MANSC4: variants seen among roughly 807,000 people sequenced by gnomAD.
MANSC4 encodes MANSC domain-containing protein 4.
A neutral mutation model predicts 11.4 loss-of-function variants in MANSC4; 11 were observed. The observed-to-expected ratio is 0.97, with a 90% CI of 0.61 to 1.60. MANSC4 has a LOEUF of 1.60. MANSC4 is among the 40% of genes most tolerant of loss of function. The probability of loss-of-function intolerance (pLI) is 0.00; values close to 1 mark genes in which losing one functional copy is unlikely to be tolerated. For synonymous variants in MANSC4, 123 were observed against 147.1 expected (o/e 0.84, Z 1.19); for missense variants, 354 against 404.6 (o/e 0.88, Z 1.07).
At chr12:27,777,579 G>T (rs1565479341) in intron 1 of MANSC4, among the ~76,000 whole-genome samples, 1 of 152,138 alleles carries the variant, frequency 6.6e-6, no homozygotes, top group African/African-American at 2.4e-5. Flanking sequence ...AAGTGTGAAG[G>T]GTTGATGTGA....
intron 2 of MANSC4, 144 bp downstream of exon 2, chr12:27,770,904 C>G: frequency 1.3e-5 from 8 of 601,542 alleles, no homozygotes; most frequent in East Asian, 2.8e-5. Flanking sequence ...GGCTCTCTTA[C>G]CTCTCCCTCT....
rs1295395885 is a variant in MANSC4 at position 27,771,440 on chromosome 12, C to G, written c.-164G>C. ...TCTAGCAAAATAAGACCACTCTTTG[C>G]ACATTGATTTTTCTTTTCTTCCCGA... is the stretch of plus-strand genomic sequence containing the variant. On this transcript the variant is annotated 5_prime_UTR_variant, in exon 2 of 4. Coordinates refer to ENST00000381273, the MANE Select transcript of MANSC4 (RefSeq NM_001146221.5). Among the ~76,000 whole-genome samples, 3 of 152,210 alleles carry G rather than the reference C, an allele frequency of 2.0e-5. No homozygotes were observed. Among genetic ancestry groups the G allele is most frequent in the Non-Finnish European group, 4.4e-5 (3 of 68,038 alleles).
At position 27,778,244 on chromosome 12, in the gene MANSC4, AT is replaced by A. The variant is rs141793983; in HGVS notation, c.-307+1965del. 3.5e-4 allele frequency among the ~76,000 whole-genome samples: 52 copies of A among 148,364 alleles called. No individual in the cohort carries two copies. In the East Asian group the frequency reaches 9.1e-3, roughly 26 times the overall value. ...CTGTCTCAAAAAAAAAAAAAAATGC[AT>A]TTTTTTTTCTAAAAAATAAAAAGAT... On this transcript the variant is annotated intron_variant, in intron 1 of 3. Coordinates refer to ENST00000381273, the MANE Select transcript of MANSC4 (RefSeq NM_001146221.5).
At chr12:27,765,095 T>G (rs576126309) in intron 3 of MANSC4, among the ~76,000 whole-genome samples, 17 of 152,204 alleles carry the variant, frequency 1.1e-4, no homozygotes, top group Middle Eastern at 6.8e-3. Context: ...CCTCAGCCTC[T>G]CAAAGTGCTG....
chr12:27,778,761 C>T (rs2062129683), intron 1 of MANSC4, among the ~76,000 whole-genome samples: 1 of 152,186 alleles, frequency 6.6e-6, no homozygotes, highest in African/African-American at 2.4e-5. Flanking sequence ...ATATTTCTCC[C>T]CCCACCCCCT....
In MANSC4 at chr12:27,762,928, A is replaced by C. The variant is rs1416335901; in HGVS notation, c.833T>G (p.Val278Gly). Residue 278 changes from valine to glycine, a missense_variant, in exon 4 of 4, where the codon GTA (valine) becomes GGA (glycine). By Grantham distance (109) the Val-to-Gly change is moderately radical (BLOSUM62 -3). Transcript: ENST00000381273. ...RNHTSANEDE[V>G]SVTSKTWLVS... ...CAGCCAAGTCTTTGAAGTCACAGAT[A>C]CCTCATCTTCATTTGCAGATGTGTG... 8 of 1,552,060 alleles carry C rather than the reference A, an allele frequency of 5.2e-6. No individual in the cohort carries two copies. In the East Asian group the frequency reaches 1.7e-4, roughly 33 times the overall value.
chr12:27,763,421 C>A, intron 3 of MANSC4, 25 bp from the exon 4 acceptor site: 2 of 1,508,818 alleles, frequency 1.3e-6, no homozygotes, highest in South Asian at 2.7e-5. Context: ...AGGCATCATT[C>A]ATTTTATTTT....
In MANSC4 at chr12:27,766,787, A is replaced by G. The variant is rs2062074269; in HGVS notation, c.242T>C (p.Leu81Pro). 1 of 1,550,814 alleles carries G rather than the reference A, an allele frequency of 6.4e-7. No homozygotes were observed. Among genetic ancestry groups the G allele is most frequent in the Non-Finnish European group, 8.7e-7 (1 of 1,146,794 alleles). ...CCLRKDVSCN[L>P]AVFYHSPIHD... ...AATAGGACTGTGGTAGAAGACAGCC[A>G]GGTTACAGGAAACTGAAAGGGAAAC... The change falls in exon 3 of 4, where the codon CTG becomes CCG. Residue 81 changes from leucine (L) to proline (P), a missense_variant. Physicochemically the swap from Leu to Pro is moderately conservative, Grantham distance 98. Transcript: ENST00000381273.
chr12:27,768,235 T>C (rs927653086), intron 2 of MANSC4, among the ~76,000 whole-genome samples: 2 of 147,418 alleles, frequency 1.4e-5, no homozygotes, highest in Non-Finnish European at 3.0e-5. Context: ...TCGTCTCTAC[T>C]AAAAAAAAAA....
intron 2 of MANSC4, among the ~76,000 whole-genome samples, chr12:27,768,971 C>T (rs1038290181): frequency 5.9e-5 from 9 of 152,206 alleles, no homozygotes; most frequent in African/African-American, 2.2e-4. Flanking sequence ...GGCCAGCATC[C>T]GGTTACCAGA....
intron 2 of MANSC4, among the ~76,000 whole-genome samples, chr12:27,770,400 C>G (rs1401470632): frequency 6.6e-6 from 1 of 152,042 alleles, no homozygotes; most frequent in Non-Finnish European, 1.5e-5. Flanking sequence ...AGGTTGGTCT[C>G]CAACTCCTGA....
At chr12:27,765,342 T>A (rs1054007013) in intron 3 of MANSC4, among the ~76,000 whole-genome samples, 1 of 152,230 alleles carries the variant, frequency 6.6e-6, no homozygotes, top group African/African-American at 2.4e-5. Flanking sequence ...CAAATAGATA[T>A]CACTTCACAT....
At chr12:27,771,847 A>T (rs904901133) in intron 1 of MANSC4, among the ~76,000 whole-genome samples, 4 of 152,064 alleles carry the variant, frequency 2.6e-5, no homozygotes, top group Admixed American at 1.3e-4. Context: ...ACCAAAAATA[A>T]TTTTTTTGCA....
At chr12:27,779,877 C>T (rs1381201652) in intron 1 of MANSC4, 1 of 151,450 alleles carries the variant, frequency 6.6e-6, no homozygotes, top group Non-Finnish European at 1.5e-5. Context: ...CGCCCTCCGC[C>T]TCCCGCAGCT....
intron 2 of MANSC4, among the ~76,000 whole-genome samples, chr12:27,768,879 C>G (rs2062086883): frequency 6.6e-6 from 1 of 152,100 alleles, no homozygotes; most frequent in Non-Finnish European, 1.5e-5. Context: ...ATCTGCCTGC[C>G]TCGGCCTCCC....
At chr12:27,774,826 A>G (rs1053716563) in intron 1 of MANSC4, among the ~76,000 whole-genome samples, 2 of 152,042 alleles carry the variant, frequency 1.3e-5, no homozygotes, top group African/African-American at 4.8e-5. Context: ...GATCGAGACC[A>G]TGCTGGCTAA....
chr12:27,763,554 A>G (rs1205109016), intron 3 of MANSC4, among the ~76,000 whole-genome samples, 158 bp from the exon 4 acceptor site: 1 of 152,090 alleles, frequency 6.6e-6, no homozygotes, highest in African/African-American at 2.4e-5. Flanking sequence ...GCTTCCAAAC[A>G]TACTGGCTAC....
chr12:27,770,882 A>G (rs1175945454), intron 2 of MANSC4, among the ~76,000 whole-genome samples, 166 bp downstream of exon 2: 1 of 152,174 alleles, frequency 6.6e-6, no homozygotes, highest in East Asian at 1.9e-4. Context: ...AGACTGTGAA[A>G]TCAGTTTCAC....
chr12:27,779,076 C>T (rs2062132020), intron 1 of MANSC4, among the ~76,000 whole-genome samples: 2 of 152,156 alleles, frequency 1.3e-5, no homozygotes, highest in South Asian at 2.1e-4. Context: ...ACCATGTTGG[C>T]CATGGTGCTC....
Sources: gnomAD v4.1 joint callset for allele counts (sites outside exome capture counted in the v4.1 genomes callset) on GRCh38, gnomAD v4.1.1 for gene constraint, MANE v1.5 for transcripts, NCBI Gene and HGNC (gene_info 2026-07-23, HGNC 2026-07-21) for gene names.